The following FLVCR2 variants were observed in gnomAD, a reference collection of about 807,000 sequenced individuals.
The protein encoded by FLVCR2 is FLVCR choline and putative heme transporter 2, also known as choline/ethanolamine transporter FLVCR2.
In FLVCR2, 38 loss-of-function variants were observed where a neutral mutation model predicts 48.9. The ratio of observed to expected loss-of-function variants is 0.78; its 90% confidence interval spans 0.60 to 1.02. The LOEUF is 1.02. Ranked by LOEUF, FLVCR2 falls within the 50% of genes least tolerant of loss-of-function variation. The pLI is 0.00. For missense variants in FLVCR2, 664 were observed against 663.3 expected, an observed-to-expected ratio of 1.00 and a Z score of -0.01; for synonymous variants, 255 against 257.0, an observed-to-expected ratio of 0.99 and a Z score of 0.07.
intron 1 of FLVCR2, among the ~76,000 whole-genome samples, chr14:75,587,725 A>G (rs1888785516): frequency 2.0e-5 from 3 of 152,236 alleles, no homozygotes; most frequent in Admixed American, 2.0e-4. Context: ...AGATATGCAC[A>G]CATTGTTACT....
chr14:75,640,768 C>G, intron 6 of FLVCR2, 187 bp from the exon 7 acceptor site: 1 of 637,348 alleles, frequency 1.6e-6, no homozygotes. Context: ...GAACTTCTTC[C>G]TGGCCTTCAG....
intron 1 of FLVCR2, among the ~76,000 whole-genome samples, chr14:75,582,123 A>T (rs1298873846): frequency 1.3e-5 from 2 of 152,204 alleles, no homozygotes; most frequent in African/African-American, 4.8e-5. Flanking sequence ...CAGCATAAGC[A>T]TTGCCCTGAG....
intron 9 of FLVCR2, among the ~76,000 whole-genome samples, chr14:75,644,370 T>C (rs1164696840): frequency 6.6e-6 from 1 of 152,232 alleles, no homozygotes; most frequent in East Asian, 1.9e-4. Context: ...CAACCTCATG[T>C]CTACTGTGTA....
chr14:75,592,072 C>G (rs1053468981), intron 1 of FLVCR2, among the ~76,000 whole-genome samples: 1 of 152,014 alleles, frequency 6.6e-6, no homozygotes, highest in East Asian at 1.9e-4. Context: ...CTCAAGTGAT[C>G]CACCCACCTC....
chr14:75,596,215 T>A, intron 1 of FLVCR2: 1 of 672,748 alleles, frequency 1.5e-6, no homozygotes, highest in Admixed American at 2.0e-5. Context: ...ATGATGGTGG[T>A]CTATCCTCAG....
intron 1 of FLVCR2, among the ~76,000 whole-genome samples, chr14:75,586,232 G>A (rs748187059): frequency 3.9e-5 from 6 of 152,024 alleles, no homozygotes; most frequent in African/African-American, 7.3e-5. Flanking sequence ...CGGTGGGTTA[G>A]GAGCAATGTT....
At chr14:75,613,167 A>G (rs1033992911) in intron 1 of FLVCR2, among the ~76,000 whole-genome samples, 1 of 152,152 alleles carries the variant, frequency 6.6e-6, no homozygotes, top group Non-Finnish European at 1.5e-5. Flanking sequence ...TTGGATTGCT[A>G]TAAAGGAATA....
intron 2 of FLVCR2, 139 bp downstream of exon 2, chr14:75,622,359 C>T: frequency 1.1e-6 from 1 of 916,962 alleles, no homozygotes; most frequent in East Asian, 2.4e-5. Context: ...TTCTTATGGT[C>T]TTCAAATGTT....
chr14:75,627,013 A>C (rs1889915469), intron 3 of FLVCR2, among the ~76,000 whole-genome samples: 1 of 151,926 alleles, frequency 6.6e-6, no homozygotes, highest in Non-Finnish European at 1.5e-5. Context: ...TGTTGGTCTT[A>C]GGGCCAGGTC....
intron 1 of FLVCR2, among the ~76,000 whole-genome samples, chr14:75,580,969 A>C (rs578076473): frequency 6.6e-6 from 1 of 152,270 alleles, no homozygotes; most frequent in African/African-American, 2.4e-5. Flanking sequence ...AAAACAAAAT[A>C]GTGAAGTGTT....
chr14:75,636,338 C>T (rs1890167005), intron 5 of FLVCR2, among the ~76,000 whole-genome samples: 2 of 152,076 alleles, frequency 1.3e-5, no homozygotes, highest in Admixed American at 1.3e-4. Flanking sequence ...CCTGGCTCGG[C>T]TTAATTACTG....
intron 1 of FLVCR2, among the ~76,000 whole-genome samples, chr14:75,617,417 A>C (rs1889645412): frequency 6.6e-6 from 1 of 152,226 alleles, no homozygotes; most frequent in Admixed American, 6.5e-5. Context: ...TAGAAAATGA[A>C]AATTAAATAT....
intron 5 of FLVCR2, among the ~76,000 whole-genome samples, chr14:75,636,583 C>T (rs1173209122): frequency 6.6e-6 from 1 of 152,180 alleles, no homozygotes; most frequent in Non-Finnish European, 1.5e-5. Flanking sequence ...GGGAAGAACA[C>T]TTTCTCAGCC....
Position 75,641,286 on chromosome 14 carries a change from C to G in FLVCR2, c.1446C>G (p.Ala482=). ...GTGTGTTCCTTACTCTTGGAGCAGC[C>G]CTCACTGGTGAGTTGGAGCCTGAGG... ...FLCVFLTLGA[A]LTAFIKADLR... The change falls in exon 8 of 10, where the codon GCC becomes GCG. Residue 482 remains alanine (A), a synonymous_variant. Transcript: ENST00000238667. 1.2e-6 allele frequency: 2 copies of G among 1,612,940 alleles called. No homozygotes were observed. The highest frequency in any genetic ancestry group is 2.2e-5 in the South Asian group (2 of 91,044).
At chr14:75,646,314 T>G (rs1046355464) in intron 9 of FLVCR2, 87 bp from the exon 10 acceptor site, 3 of 878,950 alleles carry the variant, frequency 3.4e-6, no homozygotes, top group Non-Finnish European at 5.8e-6. Flanking sequence ...TATTCCCCAC[T>G]GATTAGTCAT....
At position 75,597,376 on chromosome 14, in the gene FLVCR2, C is replaced by T. The variant is rs74496681; in HGVS notation, c.669+17735C>T. 2.4e-3 allele frequency among the ~76,000 whole-genome samples: 364 copies of T among 152,046 alleles called. 8 individuals are homozygous for T. The East Asian group carries it at 0.056, about 23-fold the overall frequency. ...ATTTCAGTTCTGCTTTCTCCTTCCT[C>T]GAAAAGCTCTCACCAAACGTGGGCA... On this transcript the variant is annotated intron_variant, in intron 1 of 9. Transcript: ENST00000238667.
intron 1 of FLVCR2, 66 bp downstream of exon 1, chr14:75,579,707 G>T: frequency 6.5e-7 from 1 of 1,548,014 alleles, no homozygotes; most frequent in East Asian, 2.3e-5. Flanking sequence ...TATTGGGTGT[G>T]GTAGGCTATA....
chr14:75,646,295 C>T (rs925806421), intron 9 of FLVCR2, 106 bp from the exon 10 acceptor site: 13 of 772,782 alleles, frequency 1.7e-5, no homozygotes, highest in African/African-American at 1.2e-4. Context: ...GAGTGGCCCC[C>T]GGCTCTTGTA....
At chr14:75,606,257 G>A (rs1889288023) in intron 1 of FLVCR2, among the ~76,000 whole-genome samples, 1 of 152,062 alleles carries the variant, frequency 6.6e-6, no homozygotes, top group East Asian at 1.9e-4. Flanking sequence ...GAACTCCTGG[G>A]CTCAAGTGAT....
Sources: allele counts gnomAD v4.1 joint callset (sites outside exome capture counted in the v4.1 genomes callset), GRCh38; gene constraint gnomAD v4.1.1; transcripts MANE v1.5; gene names NCBI Gene and HGNC (gene_info 2026-07-23, HGNC 2026-07-21).